Variants in NPHS1 observed in about 807,000 individuals in gnomAD.
NPHS1 encodes nephrin.
NPHS1 carries 107 observed loss-of-function variants against 139.7 expected under a neutral mutation model. The ratio of observed to expected loss-of-function variants is 0.77; its 90% confidence interval spans 0.66 to 0.90. The LOEUF (loss-of-function observed/expected upper bound fraction) is 0.90, where lower values mean the gene tolerates loss of function less well. Among genes scored for constraint, NPHS1 ranks in the 40% least tolerant of loss-of-function variants. The pLI is 0.00. For missense variants in NPHS1, 1,580 were observed against 1,654.2 expected (o/e 0.96, Z 0.78); for synonymous variants, 707 against 706.6 (o/e 1.00, Z -0.01).
At position 35,846,183 on chromosome 19, in the gene NPHS1, G is replaced by A; in HGVS notation, c.1452C>T (p.Thr484=). Residue 484 remains threonine, a synonymous_variant, in exon 12 of 29, where the codon ACC becomes ACT. Transcript: ENST00000378910. ...CCTGCGGCAGCCGCGACTCGGTCAC[G>A]GTGCGCGAGTCCTACGGGCCGGGAG... ...PSLMWYKDSR[T]VTESRLPQES... is the part of the protein sequence containing the mutation. 1 of 1,591,034 alleles carries A rather than the reference G, an allele frequency of 6.3e-7. No homozygotes were observed. The highest frequency in any genetic ancestry group is 8.5e-7 in the Non-Finnish European group (1 of 1,171,010).
rs1161340572 is a variant in NPHS1, at chr19:35,844,336, C to T, written c.2054G>A (p.Gly685Asp). 1.2e-6 allele frequency: 2 copies of T among 1,613,932 alleles called. No individual in the cohort carries two copies. Among genetic ancestry groups the T allele is most frequent in the African/African-American group, 2.7e-5 (2 of 75,058 alleles). ...TCCCTCACCTGGACTGAGGCGATAG[C>T]CGCGGAAGGTCCAGTTGAAGGCCTC... is the stretch of plus-strand genomic sequence containing the variant. ...APEAFNWTFRGYRLSPAGGPR... is the reference protein window; with the variant it reads ...APEAFNWTFRDYRLSPAGGPR... Residue 685 changes from glycine (G) to aspartate (D), a missense_variant, in exon 15 of 29, where the codon GGC (glycine) becomes GAC (aspartate). Coordinates refer to ENST00000378910, the MANE Select transcript of NPHS1 (RefSeq NM_004646.4).
rs906349920 is a variant in NPHS1, at chr19:35,852,185, T to C, written c.-348A>G. ...TTCAAGCCATCCTCCCACCTTGGCC[T>C]CCCCAAGTGTTGGGATTACAGGCGT... On this transcript the variant is annotated 5_prime_UTR_variant, in exon 1 of 29. Transcript: ENST00000378910. Among the ~76,000 whole-genome samples the C allele has an allele frequency of 2.0e-5, 3 of 150,480 alleles. No individual in the cohort carries two copies. Among genetic ancestry groups the C allele is most frequent in the African/African-American group, 7.3e-5 (3 of 40,836 alleles).
At chr19:35,831,997 G>C (rs1436140424) in intron 23 of NPHS1, among the ~76,000 whole-genome samples, 1 of 152,174 alleles carries the variant, frequency 6.6e-6, no homozygotes, top group African/African-American at 2.4e-5. Flanking sequence ...ACTCAGAACG[G>C]AACTCTGGAC....
chr19:35,829,212 C>T (rs1051062368), intron 28 of NPHS1, among the ~76,000 whole-genome samples: 15 of 152,246 alleles, frequency 9.9e-5, no homozygotes, highest in Non-Finnish European at 1.8e-4. Context: ...CTCCTGTTAG[C>T]ATATTCCATC....
In NPHS1 at chr19:35,839,367, G is replaced by A; in HGVS notation, c.2979C>T (p.Pro993=). 6.2e-7 allele frequency: 1 copy of A among 1,614,166 alleles called. No homozygotes were observed. The highest frequency in any genetic ancestry group is 8.5e-7 in the Non-Finnish European group (1 of 1,180,012). The change falls in exon 22 of 29, where the codon CCC becomes CCT. Residue 993 remains proline (P), a synonymous_variant. Coordinates refer to ENST00000378910, the MANE Select transcript of NPHS1 (RefSeq NM_004646.4). ...PGFHYVDVVP[P]QATTFTLTGL... is the part of the protein sequence containing the mutation. ...CAGTCAGCGTGAAGGTGGTGGCCTG[G>A]GGTGGTACGACATCCACATAGTGGA...
chr19:35,842,852 A>G (rs1037616091), intron 17 of NPHS1, among the ~76,000 whole-genome samples: 2 of 151,042 alleles, frequency 1.3e-5, no homozygotes, highest in African/African-American at 4.9e-5. Flanking sequence ...CTTTCCATCC[A>G]CTCATCGGTT....
At position 35,832,522 on chromosome 19, in the gene NPHS1, C is replaced by G. The variant is rs150838819; in HGVS notation, c.3167-760G>C. On this transcript the variant is annotated intron_variant, in intron 23 of 28. Coordinates refer to ENST00000378910, the MANE Select transcript of NPHS1 (RefSeq NM_004646.4). The stretch of plus-strand genomic sequence containing the variant: ...TAGCACCACTGCACTCCAGCCTGGG[C>G]AGCAGAGCAAGACCCTGCCTCTGAA... Among the ~76,000 whole-genome samples the G allele has an allele frequency of 7.4e-3, 1,105 of 148,772 alleles. 11 individuals are homozygous for G. Among genetic ancestry groups the G allele is most frequent in the African/African-American group, 0.026 (1,066 of 40,572 alleles).
Position 35,831,714 on chromosome 19 carries a change from A to T in NPHS1, c.3215T>A (p.Leu1072His). Residue 1072 changes from leucine to histidine, a missense_variant, in exon 24 of 29, where the codon CTT becomes CAT. Coordinates refer to ENST00000378910, the MANE Select transcript of NPHS1 (RefSeq NM_004646.4). ...LLPVLFALGG[L>H]LLLSNASCVG... ...ACAGGAGGCATTGGAGAGGAGCAGA[A>T]GCCCCCCAAGAGCGAACAGCACAGG... 6.3e-7 allele frequency: 1 copy of T among 1,595,886 alleles called. No individual in the cohort carries two copies. The highest frequency in any genetic ancestry group is 1.8e-5 in the Admixed American group (1 of 57,028).
chr19:35,849,381 C>T lies in NPHS1; in HGVS notation c.713-18G>A, dbSNP rs1049717173. The stretch of plus-strand genomic sequence containing the variant: ...TGGAGGGACTGGGGGATATCAGTCA[C>T]TCAGTGGGCCTGGAGTAGCCCATCC... On this transcript the variant is annotated intron_variant, in intron 6 of 28. Transcript: ENST00000378910. 2 of 1,608,590 alleles carry T rather than the reference C, an allele frequency of 1.2e-6. No individual in the cohort carries two copies. The highest frequency in any genetic ancestry group is 1.7e-6 in the Non-Finnish European group (2 of 1,177,708).
intron 28 of NPHS1, among the ~76,000 whole-genome samples, chr19:35,827,064 C>T (rs2146803692): frequency 6.6e-6 from 1 of 152,312 alleles, no homozygotes; most frequent in African/African-American, 2.4e-5. Flanking sequence ...CAACCTCCAC[C>T]TTCTGGGCTC....
chr19:35,832,527 G>C (rs980644231), intron 23 of NPHS1, among the ~76,000 whole-genome samples: 2 of 144,534 alleles, frequency 1.4e-5, no homozygotes, highest in Non-Finnish European at 3.0e-5. Flanking sequence ...CTGGGCAGCA[G>C]AGCAAGACCC....
rs1413224997 is a variant in NPHS1, at chr19:35,831,085, G to A, written c.3449C>T (p.Pro1150Leu). ...ATAAGACACCTCCTCCTGCGTCGGG[G>A]GCAGCTGGGGGCTGAAGTCCCTCAG... ...RSLRDFSPQL[P>L]PTQEEVSYSR... The change falls in exon 27 of 29, where the codon CCC becomes CTC. Residue 1150 changes from proline (P) to leucine (L), a missense_variant. Transcript: ENST00000378910. 2 of 1,614,006 alleles carry A rather than the reference G, an allele frequency of 1.2e-6. No homozygotes were observed. The highest frequency in any genetic ancestry group is 1.7e-5 in the Admixed American group (1 of 59,990).
Position 35,844,420 on chromosome 19 carries a change from G to A in NPHS1, c.1970C>T (p.Thr657Ile), listed in dbSNP as rs1343531093. 3.1e-6 allele frequency: 5 copies of A among 1,602,036 alleles called. No individual in the cohort carries two copies. In the South Asian group the frequency reaches 5.6e-5, roughly 18 times the overall value. The part of the protein sequence containing the change: ...EFLGEQVLVV[T>I]AVEQGEALLP... ...CAACGCCTCGCCCTGCTCCACCGCG[G>A]TCACCACCAGCACCTGCTCCCCCAG... is the stretch of plus-strand genomic sequence containing the variant. The change falls in exon 15 of 29, where the codon ACC becomes ATC. Residue 657 changes from threonine (T) to isoleucine (I), a missense_variant. Transcript: ENST00000378910.
intron 23 of NPHS1, among the ~76,000 whole-genome samples, chr19:35,834,227 A>AC (rs1366264706): frequency 6.6e-6 from 1 of 151,784 alleles, no homozygotes; most frequent in Non-Finnish European, 1.5e-5. Context: ...GCTGCTTTTG[A>AC]CCCCCGTGAC....
Position 35,831,322 on chromosome 19 carries a change from C to G in NPHS1, c.3361G>C (p.Gly1121Arg). 1 of 1,614,130 alleles carries G rather than the reference C, an allele frequency of 6.2e-7. No homozygotes were observed. The highest frequency in any genetic ancestry group is 2.2e-5 in the East Asian group (1 of 44,874). ...RNEYEESQWT[G>R]ERDTQSSTVS... ...GTGGAGCTCTGAGTGTCCCGCTCTCCTGTCCACTGGCTCTCCTCATATTCG... is the reference window on the plus strand; with the variant it reads ...GTGGAGCTCTGAGTGTCCCGCTCTCGTGTCCACTGGCTCTCCTCATATTCG... Residue 1121 changes from glycine to arginine, a missense_variant, in exon 26 of 29, where the codon GGA becomes CGA. Transcript: ENST00000378910.
In NPHS1 at chr19:35,845,422, G is replaced by T. The variant is rs747102075; in HGVS notation, c.1876C>A (p.His626Asn). Reference protein sequence around the residue: ...DHGQRVTCRAHSAELRETVSS... With the variant: ...DHGQRVTCRANSAELRETVSS... The stretch of plus-strand genomic sequence containing the variant: ...ACGGTTTCGCGGAGCTCGGCGCTGT[G>T]GGCGCGGCAGGTCACGCGCTGGCCA... Residue 626 changes from histidine to asparagine, a missense_variant, in exon 14 of 29, where the codon CAC (histidine) becomes AAC (asparagine). Transcript: ENST00000378910. The surrounding 1 kb of genome is among the most constrained non-coding windows in gnomAD (Gnocchi z 5.5). 3.1e-6 allele frequency: 5 copies of T among 1,614,124 alleles called. No individual in the cohort carries two copies. Among genetic ancestry groups the T allele is most frequent in the Non-Finnish European group, 4.2e-6 (5 of 1,180,056 alleles).
Position 35,845,964 on chromosome 19 carries a change from T to TTC in NPHS1, c.1627+43_1627+44insGA. 2 of 1,528,558 alleles carry TTC rather than the reference T, an allele frequency of 1.3e-6. No individual in the cohort carries two copies. The highest frequency in any genetic ancestry group is 1.8e-6 in the Non-Finnish European group (2 of 1,129,322). The allele number at this position is 1,528,558 out of a possible 1,614,324, so 94.7% of individuals were successfully genotyped here. Reference sequence around the variant, plus strand: ...TGGGTCCCTGCCCCACCTGGCTCTGTCCCTCCCGCCCCGCCCCCGGGCCTC... The same window carrying TTC: ...TGGGTCCCTGCCCCACCTGGCTCTGTTCCCCTCCCGCCCCGCCCCCGGGCCTC... On this transcript the variant is annotated intron_variant, in intron 12 of 28. Coordinates refer to ENST00000378910, the MANE Select transcript of NPHS1 (RefSeq NM_004646.4). The surrounding 1 kb of genome is among the most constrained non-coding windows in gnomAD (Gnocchi z 5.5).
intron 20 of NPHS1, 79 bp downstream of exon 20, chr19:35,841,636 G>A: frequency 6.4e-7 from 1 of 1,553,318 alleles, no homozygotes; most frequent in Admixed American, 1.7e-5. Context: ...AGAAACATGG[G>A]CAGCCCAGGG....
chr19:35,849,800 AG>A, intron 5 of NPHS1, 147 bp from the exon 6 acceptor site: 1 of 709,364 alleles, frequency 1.4e-6, no homozygotes, highest in Non-Finnish European at 2.5e-6. Flanking sequence ...GTTCCATGGG[AG>A]AGATTTTGGG....
Sources: allele counts gnomAD v4.1 joint callset (sites outside exome capture counted in the v4.1 genomes callset), GRCh38; gene constraint gnomAD v4.1.1; non-coding constraint Gnocchi (gnomAD v3.1); transcripts MANE v1.5; gene names NCBI Gene and HGNC (gene_info 2026-07-23, HGNC 2026-07-21).